TEX11: variants seen among roughly 807,000 people sequenced by gnomAD.
TEX11 encodes testis expressed 11.
TEX11 carries 7 observed loss-of-function variants against 84.4 expected under a neutral mutation model. The ratio of observed to expected loss-of-function variants is 0.08; its 90% CI spans 0.05 to 0.16. The LOEUF is 0.16. Ranked by LOEUF, TEX11 falls within the 10% of genes least tolerant of loss-of-function variation. The probability of loss-of-function intolerance (pLI) is 1.00; values close to 1 mark genes in which losing one functional copy is unlikely to be tolerated. For missense variants in TEX11, 551 were observed against 660.5 expected (o/e 0.83, Z 1.82); for synonymous variants, 264 against 222.8 (o/e 1.18, Z -1.64).
chrX:70,532,856 G>A (rs1813267283), intron 28 of TEX11, among the ~76,000 whole-genome samples: 1 of 110,537 alleles, frequency 9.0e-6, no homozygotes, highest in Admixed American at 9.7e-5. Context: ...GGCTAACATG[G>A]TGAAATCCTG....
At chrX:70,607,982 AC>A in intron 22 of TEX11, among the ~76,000 whole-genome samples, 1 of 112,375 alleles carries the variant, frequency 8.9e-6, no homozygotes, top group East Asian at 2.8e-4. Context: ...AAACCTCATA[AC>A]ACAGGGAGAG....
chrX:70,722,557 G>T, intron 13 of TEX11, 61 bp downstream of exon 13: 1 of 945,635 alleles, frequency 1.1e-6, no homozygotes, highest in Non-Finnish European at 1.5e-6. Flanking sequence ...TTCTAGGTGT[G>T]AGCCACTGGT....
At chrX:70,844,083 C>G (rs1258093182) in intron 7 of TEX11, among the ~76,000 whole-genome samples, 3 of 110,035 alleles carry the variant, frequency 2.7e-5, no homozygotes, top group East Asian at 2.9e-4. Flanking sequence ...ACTAGAAATA[C>G]CATTTGACCC....
At chrX:70,547,580 C>A (rs919843844) in intron 28 of TEX11, among the ~76,000 whole-genome samples, 2 of 111,151 alleles carry the variant, frequency 1.8e-5, no homozygotes, top group Non-Finnish European at 3.8e-5. Context: ...AAGAAAAAAA[C>A]AAACAACCCC....
intron 20 of TEX11, among the ~76,000 whole-genome samples, chrX:70,613,383 A>G (rs1014610789): frequency 9.0e-5 from 10 of 111,528 alleles, no homozygotes; most frequent in African/African-American, 3.3e-4. Flanking sequence ...TGCGCACTTG[A>G]GAAAGAGAGA....
chrX:70,794,617 T>C (rs1378293121), intron 9 of TEX11, among the ~76,000 whole-genome samples: 2 of 108,232 alleles, frequency 1.8e-5, no homozygotes, highest in Non-Finnish European at 1.9e-5. Context: ...GGTCTTGCAA[T>C]TTGGATAACA....
chrX:70,577,262 G>A (rs999946278), intron 25 of TEX11, among the ~76,000 whole-genome samples: 2 of 111,095 alleles, frequency 1.8e-5, no homozygotes, highest in African/African-American at 6.5e-5. Flanking sequence ...AAAATGGGAT[G>A]GAAGAAACAG....
intron 7 of TEX11, among the ~76,000 whole-genome samples, chrX:70,851,740 A>G (rs998761797): frequency 9.1e-6 from 1 of 110,466 alleles, no homozygotes; most frequent in Non-Finnish European, 1.9e-5. Context: ...TTCACAATAG[A>G]CAAAAATTGG....
intron 4 of TEX11, among the ~76,000 whole-genome samples, chrX:70,870,517 A>T (rs1373762570): frequency 9.0e-6 from 1 of 110,539 alleles, no homozygotes; most frequent in African/African-American, 3.3e-5. Context: ...TCATATTTTT[A>T]GTAGAGACGG....
rs773083176 is a variant in TEX11 at position 70,853,135 on chromosome X, C to T, written c.424G>A (p.Val142Ile). Residue 142 changes from valine (V) to isoleucine (I), a missense_variant, in exon 7 of 30, where the codon GTC (valine) becomes ATC (isoleucine). Physicochemically the swap from Val to Ile is conservative, Grantham distance 29. Transcript: ENST00000374333. ...AAVASLEQLY[V>I]KLIQRSSPEA... ...GGGGAGCTCCTTTGAATTAATTTGACGTATAATTGCTCCAGACTCTGGAAA... is the reference window on the plus strand; with the variant it reads ...GGGGAGCTCCTTTGAATTAATTTGATGTATAATTGCTCCAGACTCTGGAAA... The T allele has an allele frequency of 8.3e-5, 100 of 1,207,901 alleles. No individual in the cohort carries two copies. The highest frequency in any genetic ancestry group is 6.2e-4 in the South Asian group (35 of 56,581).
chrX:70,751,449 C>G (rs1212792284), intron 9 of TEX11, among the ~76,000 whole-genome samples: 1 of 83,463 alleles, frequency 1.2e-5, no homozygotes, highest in Non-Finnish European at 2.2e-5. Flanking sequence ...CACATGGACA[C>G]AGGAAGGGGA....
At chrX:70,694,335 G>A (rs2090262503) in intron 13 of TEX11, among the ~76,000 whole-genome samples, 1 of 111,479 alleles carries the variant, frequency 9.0e-6, no homozygotes, top group African/African-American at 3.3e-5. Context: ...GAGCCACCGT[G>A]CCTGGCCTGA....
At chrX:70,889,366 G>A (rs372722419) in intron 2 of TEX11, among the ~76,000 whole-genome samples, 4 of 109,445 alleles carry the variant, frequency 3.7e-5, no homozygotes, top group African/African-American at 1.0e-4. Flanking sequence ...GCAGTGAGCC[G>A]AGTCTGCACC....
At chrX:70,757,782 A>T (rs945321490) in intron 9 of TEX11, among the ~76,000 whole-genome samples, 4 of 111,955 alleles carry the variant, frequency 3.6e-5, no homozygotes, top group African/African-American at 1.3e-4. Context: ...TATGAACCTT[A>T]AATGTAAATG....
chrX:70,574,949 C>T (rs983293506), intron 25 of TEX11, among the ~76,000 whole-genome samples: 1 of 110,878 alleles, frequency 9.0e-6, no homozygotes, highest in Non-Finnish European at 1.9e-5. Context: ...AAGGTGTTAT[C>T]GAGACATAGT....
intron 25 of TEX11, among the ~76,000 whole-genome samples, chrX:70,584,203 A>G (rs1333462612): frequency 9.2e-6 from 1 of 108,282 alleles, no homozygotes; most frequent in Non-Finnish European, 1.9e-5. Context: ...GAATGGCGTG[A>G]ACCCGGGAAG....
At chrX:70,608,508 G>A (rs948542018) in intron 22 of TEX11, among the ~76,000 whole-genome samples, 7 of 111,060 alleles carry the variant, frequency 6.3e-5, no homozygotes, top group African/African-American at 9.8e-5. Context: ...TTGGGAGGCC[G>A]AGGCAGGTGG....
At chrX:70,736,817 A>G (rs1253457365) in intron 11 of TEX11, among the ~76,000 whole-genome samples, 2 of 112,161 alleles carry the variant, frequency 1.8e-5, no homozygotes, top group African/African-American at 3.2e-5. Flanking sequence ...TAACATATCC[A>G]TAATTACAAA....
rs375156269 is a variant in TEX11 at position 70,744,241 on chromosome X, A to ATAT, written c.693-23_693-22insATA. 4.5e-4 allele frequency: 288 copies of ATAT among 633,521 alleles called. 3 individuals are homozygous for ATAT. The highest frequency in any genetic ancestry group is 4.5e-3 in the East Asian group (79 of 17,714). 52.2% of individuals were successfully genotyped at this position (633,521 alleles called of 1,213,427 possible). On this transcript the variant is annotated intron_variant, in intron 9 of 29. Coordinates refer to ENST00000374333, the MANE Select transcript of TEX11 (RefSeq NM_031276.3). ...TTGGCTATCATTAAAAAGGAAAAAA[A>ATAT]ATATATATATATATATAAACATATA... is the stretch of plus-strand genomic sequence containing the variant.
Sources: gnomAD v4.1 joint callset for allele counts (sites outside exome capture counted in the v4.1 genomes callset) on GRCh38, gnomAD v4.1.1 for gene constraint, MANE v1.5 for transcripts, NCBI Gene and HGNC (gene_info 2026-07-23, HGNC 2026-07-21) for gene names.